The following APPL1 variants were observed in gnomAD, a reference collection of about 807,000 sequenced individuals.
The protein encoded by APPL1 is adaptor protein, phosphotyrosine interacting with PH domain and leucine zipper 1, also known as DCC-interacting protein 13-alpha.
APPL1 carries 42 observed loss-of-function variants against 106.8 expected under a neutral mutation model. The ratio of observed to expected loss-of-function variants is 0.39; its 90% CI spans 0.31 to 0.51. APPL1 has a LOEUF of 0.51. APPL1 is among the 20% of genes least tolerant of loss of function. The probability of loss-of-function intolerance (pLI) is 0.75; values close to 1 mark genes in which losing one functional copy is unlikely to be tolerated. For missense variants in APPL1, 769 were observed against 858.2 expected, an observed-to-expected ratio of 0.90 and a Z score of 1.30; for synonymous variants, 263 against 281.8, an observed-to-expected ratio of 0.93 and a Z score of 0.67.
chr3:57,269,299 G>A (rs1559516473), intron 21 of APPL1: 2 of 403,426 alleles, frequency 5.0e-6, no homozygotes, highest in South Asian at 8.5e-5. Flanking sequence ...TTGGTTGTTG[G>A]TCATAAAAAA....
At chr3:57,248,455 G>T in intron 10 of APPL1, 104 bp downstream of exon 10, 1 of 1,339,516 alleles carries the variant, frequency 7.5e-7, no homozygotes, top group South Asian at 1.5e-5. Flanking sequence ...TTTTATTAAA[G>T]GTTGAAACTT....
At chr3:57,245,104 G>A (rs2060765858) in intron 7 of APPL1, among the ~76,000 whole-genome samples, 1 of 152,134 alleles carries the variant, frequency 6.6e-6, no homozygotes, top group Non-Finnish European at 1.5e-5. Flanking sequence ...GAACCCAGCT[G>A]GAGATGTGTT....
At chr3:57,236,814 C>T (rs2060718803) in intron 2 of APPL1, among the ~76,000 whole-genome samples, 1 of 152,136 alleles carries the variant, frequency 6.6e-6, no homozygotes, top group Non-Finnish European at 1.5e-5. Flanking sequence ...TAAACAGCAA[C>T]CTAGGTTCTG....
intron 15 of APPL1, among the ~76,000 whole-genome samples, chr3:57,258,306 C>T (rs1579398132): frequency 2.0e-5 from 3 of 152,146 alleles, no homozygotes; most frequent in African/African-American, 7.2e-5. Flanking sequence ...CACAGGCGTG[C>T]GCCACCACAC....
At chr3:57,239,383 A>G (rs1414296507) in intron 4 of APPL1, among the ~76,000 whole-genome samples, 1 of 152,196 alleles carries the variant, frequency 6.6e-6, no homozygotes, top group East Asian at 1.9e-4. Flanking sequence ...TGGACTCATA[A>G]TTTTAGACTT....
At chr3:57,266,336 T>C (rs1197998400) in intron 19 of APPL1, among the ~76,000 whole-genome samples, 2 of 152,210 alleles carry the variant, frequency 1.3e-5, no homozygotes, top group Non-Finnish European at 2.9e-5. Context: ...GGCTTTTCTT[T>C]ACCAGGAGAC....
At chr3:57,248,399 A>G (rs771917402) in intron 10 of APPL1, 48 bp downstream of exon 10, 2 of 1,550,272 alleles carry the variant, frequency 1.3e-6, no homozygotes. Context: ...ATGTAAGACA[A>G]TACCAAATGA....
intron 21 of APPL1, 79 bp from the exon 22 acceptor site, chr3:57,269,456 GGCTCTC>G: frequency 4.2e-6 from 6 of 1,412,944 alleles, no homozygotes; most frequent in Admixed American, 2.0e-5. Flanking sequence ...CAGAAGAAGT[GGCTCTC>G]AAGAATGTAT....
intron 10 of APPL1, 25 bp from the exon 11 acceptor site, chr3:57,249,335 G>A: frequency 6.2e-7 from 1 of 1,611,640 alleles, no homozygotes; most frequent in Non-Finnish European, 8.5e-7. Context: ...TGTTATTAAA[G>A]AGTGAATGTG....
chr3:57,240,627 T>G, intron 5 of APPL1, 75 bp downstream of exon 5: 1 of 1,292,236 alleles, frequency 7.7e-7, no homozygotes, highest in Non-Finnish European at 1.1e-6. Context: ...TACTCTGTAC[T>G]TACACCATTT....
intron 3 of APPL1, among the ~76,000 whole-genome samples, 168 bp from the exon 4 acceptor site, chr3:57,237,877 C>T (rs2060724575): frequency 6.6e-6 from 1 of 152,096 alleles, no homozygotes; most frequent in Non-Finnish European, 1.5e-5. Flanking sequence ...ACTTAATAAA[C>T]AATTAATGTT....
At chr3:57,265,616 CTT>C (rs2060890737) in intron 19 of APPL1, among the ~76,000 whole-genome samples, 1 of 152,198 alleles carries the variant, frequency 6.6e-6, no homozygotes, top group Non-Finnish European at 1.5e-5. Context: ...TATCCTGAAA[CTT>C]TACTGAATTC....
chr3:57,261,712 G>A (rs975723793), intron 19 of APPL1, among the ~76,000 whole-genome samples: 3 of 152,088 alleles, frequency 2.0e-5, no homozygotes, highest in Admixed American at 1.3e-4. Context: ...TAGAGACGGG[G>A]TTTCACCGTG....
chr3:57,231,795 G>A (rs539602833), intron 1 of APPL1, among the ~76,000 whole-genome samples: 37 of 149,116 alleles, frequency 2.5e-4, no homozygotes, highest in African/African-American at 8.0e-4. Context: ...GTAACAGAAC[G>A]AGGCTTTGGC....
At chr3:57,234,353 G>A (rs13077004) in intron 1 of APPL1, among the ~76,000 whole-genome samples, 68,914 of 146,458 alleles carry the variant, frequency 0.47, 16,739 homozygotes, top group East Asian at 0.85. Context: ...GCTGGAGTGC[G>A]GTGGCATGAT....
chr3:57,244,220 G>T (rs905562485), intron 7 of APPL1, among the ~76,000 whole-genome samples: 2 of 150,754 alleles, frequency 1.3e-5, no homozygotes, highest in African/African-American at 4.9e-5. Context: ...CAGTGGCTCC[G>T]TCTCGGCTCA....
chr3:57,237,435 A>G lies in APPL1; in HGVS notation c.154-57A>G, dbSNP rs1484299068. ...TAATAAATAAATTAGGTATTTAATTAGAAAAAACTAAAACTTTTTTCCCAG... is the reference window on the plus strand; with the variant it reads ...TAATAAATAAATTAGGTATTTAATTGGAAAAAACTAAAACTTTTTTCCCAG... On this transcript the variant is annotated intron_variant, in intron 2 of 21. Coordinates refer to ENST00000288266, the MANE Select transcript of APPL1 (RefSeq NM_012096.3). The G allele has an allele frequency of 3.3e-6, 4 of 1,220,800 alleles. No individual in the cohort carries two copies. In the African/African-American group the frequency reaches 6.2e-5, roughly 19 times the overall value. The allele number at this position is 1,220,800 out of a possible 1,614,324, so 75.6% of individuals were successfully genotyped here.
chr3:57,248,207 T>A lies in APPL1; in HGVS notation c.719T>A (p.Met240Lys), dbSNP rs2060784769. The A allele has an allele frequency of 6.2e-7, 1 of 1,613,080 alleles. No homozygotes were observed. The highest frequency in any genetic ancestry group is 8.5e-7 in the Non-Finnish European group (1 of 1,179,554). The change falls in exon 10 of 22, where the codon ATG (methionine) becomes AAG (lysine). Residue 240 changes from methionine (M) to lysine (K), a missense_variant. Coordinates refer to ENST00000288266, the MANE Select transcript of APPL1 (RefSeq NM_012096.3). ...TTCTGTGTCAGTGTTCGCAGGGAAA[T>A]GGACAGTGATATAGAGACCATGCAA... is the stretch of plus-strand genomic sequence containing the variant. ...GTSVQNVRRE[M>K]DSDIETMQQT...
chr3:57,261,492 C>T (rs1053786190), intron 19 of APPL1, among the ~76,000 whole-genome samples: 1 of 151,998 alleles, frequency 6.6e-6, no homozygotes, highest in Non-Finnish European at 1.5e-5. Context: ...ATTGTTGGAT[C>T]GAATGGTAGT....
Sources: gnomAD v4.1 joint callset for allele counts (sites outside exome capture counted in the v4.1 genomes callset) on GRCh38, gnomAD v4.1.1 for gene constraint, MANE v1.5 for transcripts, NCBI Gene and HGNC (gene_info 2026-07-23, HGNC 2026-07-21) for gene names.